Variants in CENPK observed in about 807,000 individuals in gnomAD.
The protein encoded by CENPK is SoxLZ/Sox6-binding protein Solt.
In CENPK, 46 loss-of-function variants were observed where a neutral mutation model predicts 40.9. The ratio of observed to expected loss-of-function variants is 1.13; its 90% CI spans 0.89 to 1.44. The LOEUF (loss-of-function observed/expected upper bound fraction) is 1.44, where lower values mean the gene tolerates loss of function less well. CENPK is among the 40% of genes most tolerant of loss of function. The pLI is 0.00. For synonymous variants in CENPK, 107 were observed against 104.4 expected, an observed-to-expected ratio of 1.02 and a Z score of -0.15; for missense variants, 288 against 303.5, an observed-to-expected ratio of 0.95 and a Z score of 0.38.
chr5:65,545,527 A>AAGAG (rs1422277762), intron 5 of CENPK, among the ~76,000 whole-genome samples: 1 of 152,208 alleles, frequency 6.6e-6, no homozygotes, highest in Non-Finnish European at 1.5e-5. Flanking sequence ...TCAGGAATGA[A>AAGAG]AGAGAAATCA....
At chr5:65,523,541 A>ACCTTAGTAAAGGAAATCTTT (rs1397204783) in intron 9 of CENPK, among the ~76,000 whole-genome samples, 2 of 152,178 alleles carry the variant, frequency 1.3e-5, no homozygotes, top group Non-Finnish European at 2.9e-5. Flanking sequence ...AAAATCTAAT[A>ACCTTAGTAAAGGAAATCTTT]CCTTAGTAAA....
At chr5:65,508,319 T>C in the CENPK span, among the ~76,000 whole-genome samples, 1 of 152,370 alleles carries the variant, frequency 6.6e-6, no homozygotes, top group African/African-American at 2.4e-5. Flanking sequence ...GTTTATTAGT[T>C]GTAATACTTC....
At chr5:65,511,594 G>A in the CENPK span, among the ~76,000 whole-genome samples, 1 of 152,204 alleles carries the variant, frequency 6.6e-6, no homozygotes, top group Admixed American at 6.5e-5. Context: ...TCCATGGCCT[G>A]TTAGGAACCA....
rs185456112 is a variant in CENPK, at chr5:65,533,142, G to C, written c.289-3943C>G. Among the ~76,000 whole-genome samples the C allele has an allele frequency of 6.1e-3, 927 of 151,884 alleles. 4 individuals carry two copies. Among genetic ancestry groups the C allele is most frequent in the African/African-American group, 0.021 (880 of 41,466 alleles). ...TGGGAGGCCGAGGACCTGAGGTTAAGAGTTCAAGACCAGCCTGGCCAAAAT... is the reference window on the plus strand; with the variant it reads ...TGGGAGGCCGAGGACCTGAGGTTAACAGTTCAAGACCAGCCTGGCCAAAAT... On this transcript the variant is annotated intron_variant, in intron 6 of 10. Transcript: ENST00000396679.
chr5:65,539,695 C>A (rs1747605693), intron 6 of CENPK, among the ~76,000 whole-genome samples: 1 of 152,250 alleles, frequency 6.6e-6, no homozygotes. Flanking sequence ...GTGCTTCACT[C>A]ACAGTATCGC....
intron 1 of CENPK, among the ~76,000 whole-genome samples, chr5:65,562,217 CTGT>C (rs1258506477): frequency 6.6e-6 from 1 of 152,124 alleles, no homozygotes; most frequent in African/African-American, 2.4e-5. Context: ...AGATGAGAAG[CTGT>C]AAACATGAAG....
chr5:65,499,980 C>G, the CENPK span, among the ~76,000 whole-genome samples: 1 of 85,782 alleles, frequency 1.2e-5, no homozygotes, highest in Non-Finnish European at 2.6e-5. Context: ...CATCCATGTC[C>G]CTACAAAGGA....
chr5:65,552,059 A>C (rs2150516804), intron 4 of CENPK, among the ~76,000 whole-genome samples: 1 of 151,118 alleles, frequency 6.6e-6, no homozygotes, highest in African/African-American at 2.4e-5. Flanking sequence ...TACTGGGTTC[A>C]AGTGATTCTC....
chr5:65,553,532 T>G (rs1750486084), intron 3 of CENPK, among the ~76,000 whole-genome samples: 1 of 152,178 alleles, frequency 6.6e-6, no homozygotes, highest in Non-Finnish European at 1.5e-5. Context: ...AAAAAGTACA[T>G]ATATTTCAAA....
the CENPK span, among the ~76,000 whole-genome samples, chr5:65,500,402 C>T: frequency 7.2e-6 from 1 of 139,398 alleles, no homozygotes; most frequent in Non-Finnish European, 1.5e-5. Context: ...TTTTGATTTG[C>T]ATTTCTCTGA....
At chr5:65,507,108 C>T in the CENPK span, among the ~76,000 whole-genome samples, 1 of 152,122 alleles carries the variant, frequency 6.6e-6, no homozygotes, top group African/African-American at 2.4e-5. Flanking sequence ...TGTGTTTCTG[C>T]CATACTAAAC....
chr5:65,559,017 C>T (rs1751456397), intron 2 of CENPK, among the ~76,000 whole-genome samples: 1 of 152,148 alleles, frequency 6.6e-6, no homozygotes, highest in African/African-American at 2.4e-5. Flanking sequence ...AGATTCAAAA[C>T]TGGGCAATTT....
At chr5:65,551,174 C>T (rs1445669778) in intron 5 of CENPK, 8 of 401,062 alleles carry the variant, frequency 2.0e-5, no homozygotes, top group East Asian at 2.1e-4. Context: ...CACTTGAACC[C>T]GGGAGATCGG....
At chr5:65,539,724 C>A (rs1410913969) in intron 6 of CENPK, among the ~76,000 whole-genome samples, 1 of 152,222 alleles carries the variant, frequency 6.6e-6, no homozygotes, top group Non-Finnish European at 1.5e-5. Context: ...GGCACCATGG[C>A]TCTCCTGGAC....
At chr5:65,537,352 T>C (rs1747105954) in intron 6 of CENPK, among the ~76,000 whole-genome samples, 1 of 152,230 alleles carries the variant, frequency 6.6e-6, no homozygotes, top group Non-Finnish European at 1.5e-5. Context: ...TCATCCAGGC[T>C]GGAGTCCAGT....
At chr5:65,525,665 G>C (rs561203385) in intron 9 of CENPK, among the ~76,000 whole-genome samples, 5 of 152,260 alleles carry the variant, frequency 3.3e-5, no homozygotes, top group African/African-American at 1.2e-4. Flanking sequence ...ATGTGACTAT[G>C]TTTTTAAAAA....
At chr5:65,542,335 G>A (rs1748115896) in intron 6 of CENPK, among the ~76,000 whole-genome samples, 1 of 152,144 alleles carries the variant, frequency 6.6e-6, no homozygotes, top group Admixed American at 6.5e-5. Context: ...TGCAAAAACC[G>A]AGTTCAAAAT....
At chr5:65,537,056 G>A (rs898885634) in intron 6 of CENPK, among the ~76,000 whole-genome samples, 2 of 152,108 alleles carry the variant, frequency 1.3e-5, no homozygotes, top group African/African-American at 4.8e-5. Flanking sequence ...CAGTAAGATG[G>A]CCTTCCCTCA....
intron 4 of CENPK, 99 bp from the exon 5 acceptor site, chr5:65,551,735 G>A: frequency 5.2e-6 from 3 of 572,902 alleles, no homozygotes; most frequent in Non-Finnish European, 8.8e-6. Flanking sequence ...TTTGCAGGGG[G>A]GTGGCATCCC....
Sources: allele counts gnomAD v4.1 joint callset (sites outside exome capture counted in the v4.1 genomes callset), GRCh38; gene constraint gnomAD v4.1.1; transcripts MANE v1.5; gene names NCBI Gene and HGNC (gene_info 2026-07-23, HGNC 2026-07-21).